ZFPM2: variants seen among roughly 807,000 people sequenced by gnomAD.
ZFPM2 encodes zinc finger protein ZFPM2.
A neutral mutation model predicts 98.6 loss-of-function variants in ZFPM2; 20 were observed. That is an observed-to-expected ratio of 0.20 (90% confidence interval 0.14 to 0.29). The LOEUF is 0.29. ZFPM2 is among the 10% of genes least tolerant of loss of function. ZFPM2 has a pLI of 1.00. For missense variants in ZFPM2, 1,310 were observed against 1,388.6 expected (o/e 0.94, Z 0.90); for synonymous variants, 518 against 502.7 (o/e 1.03, Z -0.41).
chr8:105,789,226 C>T (rs924467108), intron 6 of ZFPM2, among the ~76,000 whole-genome samples: 2 of 152,070 alleles, frequency 1.3e-5, no homozygotes, highest in African/African-American at 2.4e-5. Flanking sequence ...CCAATGCTAT[C>T]CTTCCCCGCT....
chr8:105,775,667 T>A (rs534220513), intron 5 of ZFPM2, among the ~76,000 whole-genome samples: 1 of 152,136 alleles, frequency 6.6e-6, no homozygotes, highest in Non-Finnish European at 1.5e-5. Flanking sequence ...CAGCTCGCCT[T>A]TGGGGTGTAT....
chr8:105,512,448 A>T (rs1189145756), intron 3 of ZFPM2, among the ~76,000 whole-genome samples: 1 of 152,230 alleles, frequency 6.6e-6, no homozygotes, highest in African/African-American at 2.4e-5. Context: ...ATCTGATATG[A>T]TGAAAACAGT....
chr8:105,629,176 G>T (rs1305359620), intron 4 of ZFPM2, among the ~76,000 whole-genome samples: 6 of 152,194 alleles, frequency 3.9e-5, no homozygotes, highest in Non-Finnish European at 8.8e-5. Context: ...TGAAGCGGCT[G>T]ACTGGTTCCA....
chr8:105,347,391 C>T (rs1416140976), intron 1 of ZFPM2, among the ~76,000 whole-genome samples: 3 of 152,014 alleles, frequency 2.0e-5, no homozygotes, highest in South Asian at 2.1e-4. Flanking sequence ...TACTTTTACT[C>T]TATGGAGTTA....
At chr8:105,582,743 G>T (rs1460705412) in intron 4 of ZFPM2, among the ~76,000 whole-genome samples, 1 of 152,054 alleles carries the variant, frequency 6.6e-6, no homozygotes, top group Non-Finnish European at 1.5e-5. Flanking sequence ...ACAAGCATGT[G>T]CCACCATCCT....
intron 2 of ZFPM2, among the ~76,000 whole-genome samples, chr8:105,429,116 A>G (rs1170772658): frequency 6.6e-6 from 1 of 152,210 alleles, no homozygotes; most frequent in East Asian, 1.9e-4. Context: ...AGATATATCA[A>G]ACACTTTGCT....
chr8:105,802,461 A>T lies in ZFPM2; in HGVS notation c.2379A>T (p.Gly793=). 6.2e-7 allele frequency: 1 copy of T among 1,613,616 alleles called. No homozygotes were observed. The highest frequency in any genetic ancestry group is 1.7e-5 in the Admixed American group (1 of 59,946). ...ACCCAAGATGTGATATCTTTCCAGG[A>T]ATTGTCTCTAAACACTTGGAAACTT... ...CYHPRCDIFP[G]IVSKHLETSL... is the part of the protein sequence containing the mutation. The change falls in exon 8 of 8, where the codon GGA becomes GGT. Residue 793 remains glycine (G), a synonymous_variant. Coordinates refer to ENST00000407775, the MANE Select transcript of ZFPM2 (RefSeq NM_012082.4).
intron 5 of ZFPM2, among the ~76,000 whole-genome samples, chr8:105,738,201 G>C: frequency 6.6e-6 from 1 of 151,952 alleles, no homozygotes; most frequent in East Asian, 1.9e-4. Context: ...ACCTAAGTGT[G>C]TGTTGTTCCC....
At chr8:105,322,564 C>A (rs1812047899) in intron 1 of ZFPM2, among the ~76,000 whole-genome samples, 1 of 151,296 alleles carries the variant, frequency 6.6e-6, no homozygotes, top group South Asian at 2.1e-4. Flanking sequence ...TAGGAAAAGG[C>A]ACTCTTCTTT....
chr8:105,435,720 G>C (rs1812106365), intron 2 of ZFPM2, among the ~76,000 whole-genome samples: 1 of 151,946 alleles, frequency 6.6e-6, no homozygotes. Flanking sequence ...GAAGAAGCTT[G>C]GGTTAATATG....
intron 1 of ZFPM2, among the ~76,000 whole-genome samples, chr8:105,402,607 A>G (rs1293522805): frequency 1.3e-5 from 2 of 152,090 alleles, no homozygotes; most frequent in East Asian, 3.8e-4. Flanking sequence ...TAACCTTGGT[A>G]AAATTTAGTT....
chr8:105,718,664 T>G (rs1811583316), intron 5 of ZFPM2, among the ~76,000 whole-genome samples: 1 of 151,942 alleles, frequency 6.6e-6, no homozygotes, highest in African/African-American at 2.4e-5. Context: ...TTTTTCTTTT[T>G]AAACACATAC....
chr8:105,389,032 G>GTGTT (rs1285236080), intron 1 of ZFPM2, among the ~76,000 whole-genome samples: 25 of 147,926 alleles, frequency 1.7e-4, no homozygotes, highest in African/African-American at 5.2e-4. Context: ...GTGTGTGTGT[G>GTGTT]TGTGTGTGTG....
rs1457901634 is a variant in ZFPM2 at position 105,732,042 on chromosome 8, A to T, written c.533-56676A>T. Reference sequence around the variant, plus strand: ...GTTTTTGGTAGGCTGTGGCAAAAAGATATGAGAGGGTTTAGTTCCTTTCCC... The same window carrying T: ...GTTTTTGGTAGGCTGTGGCAAAAAGTTATGAGAGGGTTTAGTTCCTTTCCC... On this transcript the variant is annotated intron_variant, in intron 5 of 7. Transcript: ENST00000407775. Among the ~76,000 whole-genome samples the T allele has an allele frequency of 2.0e-5, 3 of 151,732 alleles. No homozygotes were observed. The East Asian group carries it at 5.8e-4, about 30-fold the overall frequency.
intron 4 of ZFPM2, among the ~76,000 whole-genome samples, chr8:105,606,651 A>G (rs748612476): frequency 4.6e-5 from 7 of 152,216 alleles, no homozygotes; most frequent in African/African-American, 7.2e-5. Flanking sequence ...ATGTTAATAA[A>G]CCATTACTGC....
intron 5 of ZFPM2, among the ~76,000 whole-genome samples, chr8:105,644,366 G>A (rs1332905775): frequency 6.7e-6 from 1 of 149,798 alleles, no homozygotes; most frequent in Non-Finnish European, 1.5e-5. Flanking sequence ...GCTTCTCAAA[G>A]TGCTGGGATT....
At chr8:105,327,417 A>G (rs1230115132) in intron 1 of ZFPM2, among the ~76,000 whole-genome samples, 1 of 151,674 alleles carries the variant, frequency 6.6e-6, no homozygotes, top group East Asian at 1.9e-4. Flanking sequence ...ATATTGAACA[A>G]TGGTATACTC....
chr8:105,685,831 A>G (rs1563520854), intron 5 of ZFPM2: 1 of 152,142 alleles, frequency 6.6e-6, no homozygotes, highest in African/African-American at 2.4e-5. Context: ...TTTTGGGGAC[A>G]TGAAGACTCA....
chr8:105,652,944 G>A lies in ZFPM2; in HGVS notation c.532+18587G>A, dbSNP rs977100746. ...TCTTCAATGTTGCTATGTTTTGAGT[G>A]TAGATTTCTAGATTAAATTATGAAG... On this transcript the variant is annotated intron_variant, in intron 5 of 7. Transcript: ENST00000407775. Among the ~76,000 whole-genome samples, 128 of 152,204 alleles carry A rather than the reference G, an allele frequency of 8.4e-4. 2 individuals are homozygous for A. The highest frequency in any genetic ancestry group is 2.8e-3 in the African/African-American group (118 of 41,546).
Sources: gnomAD v4.1 joint callset for allele counts (sites outside exome capture counted in the v4.1 genomes callset) on GRCh38, gnomAD v4.1.1 for gene constraint, MANE v1.5 for transcripts, NCBI Gene and HGNC (gene_info 2026-07-23, HGNC 2026-07-21) for gene names.